The following BNC2 variants were observed in gnomAD, a reference collection of about 807,000 sequenced individuals.
The protein encoded by BNC2 is basonuclin zinc finger protein 2.
A neutral mutation model predicts 76.3 loss-of-function variants in BNC2; 20 were observed. The observed-to-expected ratio is 0.26, with a 90% confidence interval of 0.18 to 0.38. BNC2 has a LOEUF of 0.38. BNC2 is among the 10% of genes least tolerant of loss of function. BNC2 has a pLI of 1.00. For synonymous variants in BNC2, 582 were observed against 514.8 expected, an observed-to-expected ratio of 1.13 and a Z score of -1.77; for missense variants, 1,382 against 1,399.8, an observed-to-expected ratio of 0.99 and a Z score of 0.20.
chr9:16,523,250 T>C (rs1332014838), intron 5 of BNC2, among the ~76,000 whole-genome samples: 1 of 151,054 alleles, frequency 6.6e-6, no homozygotes, highest in South Asian at 2.1e-4. Context: ...GGTGGGTGGA[T>C]CATGAAGTCA....
intron 5 of BNC2, among the ~76,000 whole-genome samples, chr9:16,503,035 A>G (rs1822553302): frequency 6.6e-6 from 1 of 152,260 alleles, no homozygotes; most frequent in Non-Finnish European, 1.5e-5. Flanking sequence ...AATTCATGAC[A>G]GTTAAATGAA....
intron 4 of BNC2, among the ~76,000 whole-genome samples, chr9:16,561,712 GAATT>G (rs1251486169): frequency 1.3e-5 from 2 of 152,158 alleles, no homozygotes; most frequent in African/African-American, 2.4e-5. Context: ...ATTATTAAAA[GAATT>G]AATAGGCCAG....
At chr9:16,569,624 C>A (rs1819264341) in intron 4 of BNC2, among the ~76,000 whole-genome samples, 2 of 152,196 alleles carry the variant, frequency 1.3e-5, no homozygotes, top group Non-Finnish European at 2.9e-5. Flanking sequence ...TCTCTCCTGG[C>A]TAGTAGATTA....
At chr9:16,805,282 T>A (rs963503168) in intron 1 of BNC2, among the ~76,000 whole-genome samples, 1 of 152,164 alleles carries the variant, frequency 6.6e-6, no homozygotes, top group African/African-American at 2.4e-5. Flanking sequence ...GCCAAACACA[T>A]GAATTCCCTG....
intron 1 of BNC2, among the ~76,000 whole-genome samples, chr9:16,818,360 C>T (rs934962197): frequency 1.3e-5 from 2 of 152,054 alleles, no homozygotes; most frequent in Non-Finnish European, 2.9e-5. Context: ...GCCGACATGG[C>T]GCCACTGCAC....
At chr9:16,464,598 C>T (rs948571822) in intron 5 of BNC2, among the ~76,000 whole-genome samples, 2 of 152,120 alleles carry the variant, frequency 1.3e-5, no homozygotes, top group Non-Finnish European at 2.9e-5. Context: ...AACATATCTA[C>T]TTTCCTTTCT....
chr9:16,497,273 A>C (rs772014469), intron 5 of BNC2, among the ~76,000 whole-genome samples: 50 of 152,248 alleles, frequency 3.3e-4, no homozygotes, highest in Non-Finnish European at 4.6e-4. Context: ...AACAGTATTC[A>C]GTATCTCATT....
intron 3 of BNC2, among the ~76,000 whole-genome samples, chr9:16,601,309 G>A (rs1820237555): frequency 2.0e-5 from 3 of 151,922 alleles, no homozygotes; most frequent in Non-Finnish European, 2.9e-5. Flanking sequence ...TTTGTACCTC[G>A]GGCACCTCAT....
intron 5 of BNC2, among the ~76,000 whole-genome samples, chr9:16,494,634 T>C (rs929881311): frequency 6.6e-6 from 1 of 152,138 alleles, no homozygotes; most frequent in African/African-American, 2.4e-5. Flanking sequence ...AAGAAGCCAG[T>C]GTGACCAAAG....
intron 3 of BNC2, among the ~76,000 whole-genome samples, chr9:16,701,966 A>C (rs1252340541): frequency 6.7e-6 from 1 of 149,752 alleles, no homozygotes; most frequent in Non-Finnish European, 1.5e-5. Flanking sequence ...AAGACCAACC[A>C]CAATAATATT....
intron 3 of BNC2, among the ~76,000 whole-genome samples, chr9:16,632,305 C>T (rs1821185303): frequency 6.6e-6 from 1 of 152,148 alleles, no homozygotes; most frequent in Non-Finnish European, 1.5e-5. Flanking sequence ...CTCTGTCCCT[C>T]CAGGAGTTCA....
chr9:16,449,083 G>A (rs1285157680), intron 5 of BNC2, among the ~76,000 whole-genome samples: 1 of 152,088 alleles, frequency 6.6e-6, no homozygotes, highest in African/African-American at 2.4e-5. Flanking sequence ...ATCAATATAT[G>A]TTACTATAAC....
intron 3 of BNC2, chr9:16,625,772 CCTAGACATCA>C (rs1820977874): frequency 6.6e-6 from 1 of 152,248 alleles, no homozygotes; most frequent in Non-Finnish European, 1.5e-5. Flanking sequence ...CACTCCTCTA[CCTAGACATCA>C]CTATAAAAAG....
In BNC2 at chr9:16,415,280, T is replaced by C. The variant is rs982838616; in HGVS notation, c.*3709A>G. 1 of 152,630 alleles carries C rather than the reference T, an allele frequency of 6.6e-6. No individual in the cohort carries two copies. The highest frequency in any genetic ancestry group is 6.5e-5 in the Admixed American group (1 of 15,282). 9.5% of individuals were successfully genotyped at this position (152,630 alleles called of 1,614,324 possible). A position where few individuals can be genotyped will look rare whatever the true frequency, so the allele number is the denominator to read the frequency against. ...TCATTATCTATCCTTTTTTTCTCTC[T>C]TTCCATAGCATGCAGATATTCCCGA... is the stretch of plus-strand genomic sequence containing the variant. On this transcript the variant is annotated 3_prime_UTR_variant, in exon 7 of 7. Coordinates refer to ENST00000380672, the MANE Select transcript of BNC2 (RefSeq NM_017637.6).
chr9:16,454,594 C>T (rs1183171241), intron 5 of BNC2, among the ~76,000 whole-genome samples: 3 of 152,054 alleles, frequency 2.0e-5, no homozygotes, highest in African/African-American at 7.2e-5. Flanking sequence ...GTGAGCCACA[C>T]AACACAATTT....
At chr9:16,494,892 A>G (rs1407568677) in intron 5 of BNC2, among the ~76,000 whole-genome samples, 1 of 152,162 alleles carries the variant, frequency 6.6e-6, no homozygotes, top group African/African-American at 2.4e-5. Context: ...TGATGAGTTG[A>G]TGGGTGCAGC....
chr9:16,539,230 C>A (rs761180065), intron 5 of BNC2, among the ~76,000 whole-genome samples: 1 of 151,988 alleles, frequency 6.6e-6, no homozygotes, highest in African/African-American at 2.4e-5. Context: ...AAAATAAATA[C>A]GACTGGGCGT....
intron 1 of BNC2, among the ~76,000 whole-genome samples, chr9:16,788,273 G>A (rs1228126380): frequency 1.3e-5 from 2 of 152,048 alleles, no homozygotes; most frequent in Non-Finnish European, 2.9e-5. Context: ...TCATTCCTGG[G>A]CCAGGCGCGG....
chr9:16,567,646 C>T (rs1342952086), intron 4 of BNC2, among the ~76,000 whole-genome samples: 1 of 152,100 alleles, frequency 6.6e-6, no homozygotes, highest in Non-Finnish European at 1.5e-5. Flanking sequence ...AAGTGCTTTT[C>T]ACTGATCCTA....
Sources: allele counts gnomAD v4.1 joint callset (sites outside exome capture counted in the v4.1 genomes callset), GRCh38; gene constraint gnomAD v4.1.1; transcripts MANE v1.5; gene names NCBI Gene and HGNC (gene_info 2026-07-23, HGNC 2026-07-21).